Variants in TMOD2 observed in about 807,000 individuals in gnomAD.
The protein encoded by TMOD2 is tropomodulin 2.
A neutral mutation model predicts 39.9 loss-of-function variants in TMOD2; 22 were observed. The ratio of observed to expected loss-of-function variants is 0.55; its 90% CI spans 0.39 to 0.79. TMOD2 has a LOEUF of 0.79. Among genes scored for constraint, TMOD2 ranks in the 30% least tolerant of loss-of-function variants. TMOD2 has a pLI of 0.00. For missense variants in TMOD2, 386 were observed against 413.3 expected (o/e 0.93, Z 0.57); for synonymous variants, 123 against 146.1 (o/e 0.84, Z 1.14).
At chr15:51,778,643 CTTTT>C (rs34790068) in intron 5 of TMOD2, among the ~76,000 whole-genome samples, 7 of 68,366 alleles carry the variant, frequency 1.0e-4, no homozygotes, top group Admixed American at 8.7e-4. Flanking sequence ...AAAATTACAG[CTTTT>C]TTTTTTTTTT....
intron 7 of TMOD2, chr15:51,784,050 T>A (rs771397382): frequency 6.6e-6 from 1 of 152,228 alleles, no homozygotes; most frequent in Non-Finnish European, 1.5e-5. Flanking sequence ...AGGTATATAC[T>A]ATTATTAGTT....
intron 8 of TMOD2, among the ~76,000 whole-genome samples, chr15:51,803,427 T>C (rs779786384): frequency 2.0e-5 from 3 of 152,134 alleles, no homozygotes; most frequent in African/African-American, 7.2e-5. Context: ...GTGATCTGCC[T>C]GCCTCTGCCT....
rs201863849 is a variant in TMOD2 at position 51,781,821 on chromosome 15, A to T, written c.624+647A>T. 4.9e-3 allele frequency among the ~76,000 whole-genome samples: 728 copies of T among 149,656 alleles called. 4 individuals carry two copies. The highest frequency in any genetic ancestry group is 0.012 in the East Asian group (60 of 5,084). On this transcript the variant is annotated intron_variant, in intron 6 of 9. Transcript: ENST00000249700. ...AAGAGTAGGAGAGAGAGAGAGAGAG[A>T]GAGTGTGTGTGTGTGTGTGTGTAAA...
Position 51,782,801 on chromosome 15 carries a change from A to T in TMOD2, c.705A>T (p.Ala235=). The T allele has an allele frequency of 6.2e-7, 1 of 1,614,078 alleles. No individual in the cohort carries two copies. The highest frequency in any genetic ancestry group is 1.1e-5 in the South Asian group (1 of 91,076). ...NTHVKKFSLA[A]TRSNDPVAIA... ...ACGTGAAGAAGTTCAGCCTGGCCGC[A>T]ACTCGCAGCAATGACCCTGTGGCCA... Residue 235 remains alanine, a synonymous_variant, in exon 7 of 10, where the codon GCA becomes GCT. Coordinates refer to ENST00000249700, the MANE Select transcript of TMOD2 (RefSeq NM_014548.4).
intron 7 of TMOD2, among the ~76,000 whole-genome samples, chr15:51,785,162 C>T (rs2055959438): frequency 6.6e-6 from 1 of 152,038 alleles, no homozygotes; most frequent in Admixed American, 6.6e-5. Context: ...CCTGTAATCC[C>T]AGCACTTTGG....
intron 3 of TMOD2, among the ~76,000 whole-genome samples, chr15:51,768,621 T>C (rs1023400480): frequency 1.3e-5 from 2 of 152,154 alleles, no homozygotes; most frequent in African/African-American, 4.8e-5. Flanking sequence ...GCAAGGGAAC[T>C]GTCCGGGAAA....
chr15:51,773,924 TTAGG>T, intron 4 of TMOD2, 90 bp downstream of exon 4: 2 of 1,414,206 alleles, frequency 1.4e-6, no homozygotes, highest in Non-Finnish European at 1.9e-6. Context: ...TGAGCTTCTC[TTAGG>T]TAGGAGAATG....
At chr15:51,765,809 G>T (rs999475986) in intron 1 of TMOD2, among the ~76,000 whole-genome samples, 6 of 152,174 alleles carry the variant, frequency 3.9e-5, no homozygotes, top group African/African-American at 1.2e-4. Flanking sequence ...TTTTAGAATC[G>T]CACTTAGTTT....
chr15:51,786,410 C>T (rs947924305), intron 7 of TMOD2, among the ~76,000 whole-genome samples: 1 of 152,124 alleles, frequency 6.6e-6, no homozygotes. Flanking sequence ...CCTTATTCTG[C>T]TTTCATGTTA....
chr15:51,769,966 A>C (rs1032817106), intron 3 of TMOD2, among the ~76,000 whole-genome samples: 8 of 152,140 alleles, frequency 5.3e-5, no homozygotes, highest in African/African-American at 1.9e-4. Flanking sequence ...AGGAGGTCAA[A>C]GCTGCAGTGA....
intron 1 of TMOD2, among the ~76,000 whole-genome samples, chr15:51,765,659 G>A (rs922676947): frequency 1.3e-5 from 2 of 151,802 alleles, no homozygotes; most frequent in African/African-American, 4.8e-5. Flanking sequence ...GAAGTGAGGT[G>A]GTATAAAAAA....
At chr15:51,789,786 A>G (rs1414606053) in intron 7 of TMOD2, among the ~76,000 whole-genome samples, 7 of 152,242 alleles carry the variant, frequency 4.6e-5, no homozygotes, top group African/African-American at 1.7e-4. Context: ...ATGAAGGCAG[A>G]AATAAAGATG....
intron 5 of TMOD2, among the ~76,000 whole-genome samples, chr15:51,778,789 G>A (rs1458470983): frequency 6.6e-6 from 1 of 151,352 alleles, no homozygotes; most frequent in Non-Finnish European, 1.5e-5. Context: ...TGAGTAGCTG[G>A]GACTACAGGC....
rs367756863 is a variant in TMOD2 at position 51,805,694 on chromosome 15, T to C, written c.877-683T>C. On this transcript the variant is annotated intron_variant, in intron 8 of 9. Transcript: ENST00000249700. ...AATGCTTGAAGTGATGGATACCCCA[T>C]TTACCCTGATGTGATTATTATGCAT... is the stretch of plus-strand genomic sequence containing the variant. Among the ~76,000 whole-genome samples the C allele has an allele frequency of 3.3e-5, 5 of 152,358 alleles. No individual in the cohort carries two copies. In the East Asian group the frequency reaches 9.6e-4, roughly 29 times the overall value.
chr15:51,781,073 G>A lies in TMOD2; in HGVS notation c.523G>A (p.Val175Ile), dbSNP rs1411342979. ...NVVKGEKVKPVFEEPPNPTNV... is the reference protein window; with the variant it reads ...NVVKGEKVKPIFEEPPNPTNV... ...TGTCAAAGGTGAAAAAGTAAAGCCA[G>A]TATTTGAGGAACCACCAAATCCCAC... is the stretch of plus-strand genomic sequence containing the variant. The change falls in exon 6 of 10, where the codon GTA becomes ATA. Residue 175 changes from valine to isoleucine, a missense_variant. Coordinates refer to ENST00000249700, the MANE Select transcript of TMOD2 (RefSeq NM_014548.4). 3 of 1,609,690 alleles carry A rather than the reference G, an allele frequency of 1.9e-6. No individual in the cohort carries two copies. Among genetic ancestry groups the A allele is most frequent in the Non-Finnish European group, 2.5e-6 (3 of 1,178,852 alleles).
rs1264970923 is a variant in TMOD2 at position 51,760,960 on chromosome 15, G to T, written c.-69-5413G>T. ...AGAGAGCAAATAAGCCATTTTAGCC[G>T]AAGTGGGCTCCCCAGGAAAGTAACG... On this transcript the variant is annotated intron_variant, in intron 1 of 9. Transcript: ENST00000249700. 2.0e-5 allele frequency among the ~76,000 whole-genome samples: 3 copies of T among 152,220 alleles called. No individual in the cohort carries two copies. In the South Asian group the frequency reaches 6.2e-4, roughly 32 times the overall value.
chr15:51,765,519 T>C (rs755392180), intron 1 of TMOD2, among the ~76,000 whole-genome samples: 2 of 152,198 alleles, frequency 1.3e-5, no homozygotes, highest in Non-Finnish European at 2.9e-5. Flanking sequence ...TAATACCTCC[T>C]AAGGAGAAAC....
intron 6 of TMOD2, among the ~76,000 whole-genome samples, chr15:51,781,823 AGTGT>A (rs57436390): frequency 6.7e-6 from 1 of 149,390 alleles, no homozygotes; most frequent in Non-Finnish European, 1.5e-5. Flanking sequence ...AGAGAGAGAG[AGTGT>A]GTGTGTGTGT....
intron 3 of TMOD2, among the ~76,000 whole-genome samples, chr15:51,771,403 G>A (rs2055852928): frequency 6.6e-6 from 1 of 152,328 alleles, no homozygotes; most frequent in East Asian, 1.9e-4. Flanking sequence ...GCAGAGTTTT[G>A]CTTAGAACTT....
Sources: allele counts gnomAD v4.1 joint callset (sites outside exome capture counted in the v4.1 genomes callset), GRCh38; gene constraint gnomAD v4.1.1; transcripts MANE v1.5; gene names NCBI Gene and HGNC (gene_info 2026-07-23, HGNC 2026-07-21).